The following GBGT1 variants were observed in gnomAD, a reference collection of about 807,000 sequenced individuals.
GBGT1 encodes the protein globoside alpha-1,3-N-acetylgalactosaminyltransferase 1 (FORS blood group), also known as globoside alpha-1,3-N-acetylgalactosaminyltransferase 1.
In GBGT1, 18 loss-of-function variants were observed where a neutral mutation model predicts 20.9. The ratio of observed to expected loss-of-function variants is 0.86; its 90% CI spans 0.60 to 1.28. The LOEUF is 1.28. Among genes scored for constraint, GBGT1 ranks in the 50% most tolerant of loss-of-function variants. The pLI is 0.00. For synonymous variants in GBGT1, 168 were observed against 180.8 expected (o/e 0.93, Z 0.57); for missense variants, 432 against 455.7 (o/e 0.95, Z 0.47).
Position 133,154,068 on chromosome 9 carries a change from C to G in GBGT1, c.553G>C (p.Glu185Gln). 6.2e-7 allele frequency: 1 copy of G among 1,613,564 alleles called. No homozygotes were observed. Among genetic ancestry groups the G allele is most frequent in the Non-Finnish European group, 8.5e-7 (1 of 1,179,996 alleles). The change falls in exon 7 of 7, where the codon GAG becomes CAG. Residue 185 changes from glutamate to glutamine, a missense_variant. Glu to Gln is a conservative substitution (Grantham distance 29). Coordinates refer to ENST00000372040, the MANE Select transcript of GBGT1 (RefSeq NM_021996.6). The surrounding 1 kb of genome is among the most constrained non-coding windows in gnomAD (Gnocchi z 4.2). Reference sequence around the variant, plus strand: ...TTAGCAATGTGCTGGCTGATGGTCTCCATCCGGCGCATGGATGTCTCCTCC... The same window carrying G: ...TTAGCAATGTGCTGGCTGATGGTCTGCATCCGGCGCATGGATGTCTCCTCC... The part of the protein sequence containing the change: ...HWEETSMRRM[E>Q]TISQHIAKRA...
intron 2 of GBGT1, among the ~76,000 whole-genome samples, chr9:133,162,138 G>T (rs1489401898): frequency 6.9e-6 from 1 of 145,068 alleles, no homozygotes; most frequent in East Asian, 2.1e-4. Context: ...CCTGGGTGGG[G>T]ATAGAGACAG....
intron 5 of GBGT1, 33 bp from the exon 6 acceptor site, chr9:133,155,345 C>T: frequency 1.2e-6 from 2 of 1,612,466 alleles, no homozygotes; most frequent in South Asian, 2.2e-5. Flanking sequence ...CACTGAGACC[C>T]TCCCCTGTGA....
Position 133,153,511 on chromosome 9 carries a change from C to G in GBGT1, c.*66G>C, listed in dbSNP as rs544092427. 8.3e-7 allele frequency: 1 copy of G among 1,211,384 alleles called. No individual in the cohort carries two copies. Among genetic ancestry groups the G allele is most frequent in the Admixed American group, 2.3e-5 (1 of 43,104 alleles). The allele number at this position is 1,211,384 out of a possible 1,614,324, so 75.0% of individuals were successfully genotyped here. A position where few individuals can be genotyped will look rare whatever the true frequency, so the allele number is the denominator to read the frequency against. On this transcript the variant is annotated 3_prime_UTR_variant, in exon 7 of 7. Coordinates refer to ENST00000372040, the MANE Select transcript of GBGT1 (RefSeq NM_021996.6). ...GGAGGCGGGACAGGGCTGGTCTGCACGCTAGTGAAGCACTGGTGGCTGCAG... is the reference window on the plus strand; with the variant it reads ...GGAGGCGGGACAGGGCTGGTCTGCAGGCTAGTGAAGCACTGGTGGCTGCAG...
Position 133,153,357 on chromosome 9 carries a change from C to T in GBGT1, c.*220G>A, listed in dbSNP as rs1382214335. ...GCCCTGCCTTTGTAACTGCGCCTCC[C>T]CTCCCCCTGTCTCACTGTTCCCATG... On this transcript the variant is annotated 3_prime_UTR_variant, in exon 7 of 7. Coordinates refer to ENST00000372040, the MANE Select transcript of GBGT1 (RefSeq NM_021996.6). 2.8e-5 allele frequency: 11 copies of T among 392,584 alleles called. No individual in the cohort carries two copies. 24.3% of individuals were successfully genotyped at this position (392,584 alleles called of 1,614,324 possible).
rs186077979 is a variant in GBGT1 at position 133,154,147 on chromosome 9, C to A, written c.474G>T (p.Pro158=). The A allele has an allele frequency of 2.6e-5, 41 of 1,598,110 alleles. No homozygotes were observed. The highest frequency in any genetic ancestry group is 6.7e-5 in the Admixed American group (4 of 59,546). ...TDNPAAVPGV[P]LGPHRLLSSI... Reference sequence around the variant, plus strand: ...AGCTGAGAAGCCGGTGGGGACCCAGCGGGACCCCGGGAACGGCTGCAGGGT... The same window carrying A: ...AGCTGAGAAGCCGGTGGGGACCCAGAGGGACCCCGGGAACGGCTGCAGGGT... Residue 158 remains proline (P), a synonymous_variant, in exon 7 of 7, where the codon CCG becomes CCT. Coordinates refer to ENST00000372040, the MANE Select transcript of GBGT1 (RefSeq NM_021996.6). This position sits in a 1 kb window ranked among gnomAD's most constrained non-coding sequence, Gnocchi z 4.2.
rs986608924 is a variant in GBGT1, at chr9:133,154,345, G to A, written c.360-84C>T. On this transcript the variant is annotated intron_variant, in intron 6 of 6. Transcript: ENST00000372040. The surrounding 1 kb of genome is among the most constrained non-coding windows in gnomAD (Gnocchi z 4.2). ...GTGTGCTGGGGTCAGCCAGGCTGGG[G>A]TCCACTTACCAGCTCCCCATCTCAA... is the stretch of plus-strand genomic sequence containing the variant. The A allele has an allele frequency of 1.5e-5, 12 of 777,596 alleles. No individual in the cohort carries two copies. The highest frequency in any genetic ancestry group is 2.4e-5 in the Non-Finnish European group (12 of 499,624). The allele number at this position is 777,596 out of a possible 1,614,324, so 48.2% of individuals were successfully genotyped here.
intron 1 of GBGT1, chr9:133,163,006 G>C (rs1833101788): frequency 6.5e-6 from 1 of 154,672 alleles, no homozygotes; most frequent in Non-Finnish European, 1.4e-5. Context: ...GCTTCCAGCT[G>C]TCCTTTGGGA....
intron 5 of GBGT1, among the ~76,000 whole-genome samples, 183 bp downstream of exon 5, chr9:133,155,718 G>A (rs1832850696): frequency 6.6e-6 from 1 of 152,136 alleles, no homozygotes; most frequent in South Asian, 2.1e-4. Flanking sequence ...CAGAGCAGTT[G>A]GGTACGCTGC....
rs764931171 is a variant in GBGT1, at chr9:133,153,895, C to A, written c.726G>T (p.Glu242Asp). The A allele has an allele frequency of 1.1e-5, 17 of 1,605,076 alleles. No individual in the cohort carries two copies. The African/African-American group carries it at 2.1e-4, about 20-fold the overall frequency. Residue 242 changes from glutamate (E) to aspartate (D), a missense_variant, in exon 7 of 7, where the codon GAG (glutamate) becomes GAT (aspartate). Physicochemically the swap from Glu to Asp is conservative, Grantham distance 45. Transcript: ENST00000372040. The stretch of plus-strand genomic sequence containing the variant: ...CAAAGGCAGTGGAAACACGCCTGCG[C>A]TCATAGGGGAACTGCTGGCGGGGAA... ...YAVPRQQFPY[E>D]RRRVSTAFVA...
At chr9:133,157,249 A>T (rs1383912981) in intron 3 of GBGT1, among the ~76,000 whole-genome samples, 1 of 147,990 alleles carries the variant, frequency 6.8e-6, no homozygotes, top group Non-Finnish European at 1.5e-5. Context: ...ACACTACTGC[A>T]CTCCAGCCTG....
chr9:133,159,807 G>A (rs989290686), intron 3 of GBGT1, among the ~76,000 whole-genome samples: 1 of 151,322 alleles, frequency 6.6e-6, no homozygotes, highest in Non-Finnish European at 1.5e-5. Context: ...CCTCCGCCAC[G>A]CACACACACA....
chr9:133,157,750 CCAGA>C (rs1832914296), intron 3 of GBGT1, among the ~76,000 whole-genome samples: 1 of 152,244 alleles, frequency 6.6e-6, no homozygotes, highest in Admixed American at 6.5e-5. Context: ...GGACCTGGAG[CCAGA>C]CAGTTGACCC....
Position 133,155,896 on chromosome 9 carries a change from C to G in GBGT1, c.224+5G>C, listed in dbSNP as rs1426689085. On this transcript the variant is annotated splice_donor_5th_base_variant and intron_variant, in intron 5 of 6. Transcript: ENST00000372040. Reference sequence around the variant, plus strand: ...GCCCCCATCAGGCCTCTCCATGACACCTACCTGTGCTCCAGCAGCTTGGGC... The same window carrying G: ...GCCCCCATCAGGCCTCTCCATGACAGCTACCTGTGCTCCAGCAGCTTGGGC... The G allele has an allele frequency of 1.2e-6, 2 of 1,614,014 alleles. No homozygotes were observed. Among genetic ancestry groups the G allele is most frequent in the Non-Finnish European group, 1.7e-6 (2 of 1,179,978 alleles).
Position 133,156,022 on chromosome 9 carries a change from C to T in GBGT1, c.181G>A (p.Val61Met), listed in dbSNP as rs374147391. ...AAATGCCAGTCTCCTTACCATACCACGGGCTGGAGTGGCTTCTCCCTCTTG... is the reference window on the plus strand; with the variant it reads ...AAATGCCAGTCTCCTTACCATACCATGGGCTGGAGTGGCTTCTCCCTCTTG... The part of the protein sequence containing the change: ...HYKREKPLQP[V>M]VWSQYPQPKL... The change falls in exon 4 of 7, where the codon GTG (valine) becomes ATG (methionine). Residue 61 changes from valine to methionine, a missense_variant. Coordinates refer to ENST00000372040, the MANE Select transcript of GBGT1 (RefSeq NM_021996.6). The T allele has an allele frequency of 2.7e-5, 43 of 1,613,940 alleles. No individual in the cohort carries two copies. Among genetic ancestry groups the T allele is most frequent in the Middle Eastern group, 1.6e-4 (1 of 6,084 alleles).
intron 3 of GBGT1, among the ~76,000 whole-genome samples, chr9:133,157,977 T>C (rs1832921432): frequency 1.3e-5 from 2 of 152,072 alleles, no homozygotes; most frequent in Admixed American, 1.3e-4. Context: ...AAACCCCATT[T>C]CTACTAAAAA....
chr9:133,159,539 C>T lies in GBGT1; in HGVS notation c.137+1928G>A, dbSNP rs558011038. Among the ~76,000 whole-genome samples the T allele has an allele frequency of 3.3e-5, 5 of 152,324 alleles. No individual in the cohort carries two copies. In the East Asian group the frequency reaches 5.8e-4, roughly 18 times the overall value. The stretch of plus-strand genomic sequence containing the variant: ...GCAGGCCGGTGTGGTGGCTCATGCC[C>T]GCAATCCCGGCAGGGGCGAGTTGGG... On this transcript the variant is annotated intron_variant, in intron 3 of 6. Transcript: ENST00000372040.
At chr9:133,156,736 C>T (rs1485941889) in intron 3 of GBGT1, among the ~76,000 whole-genome samples, 1 of 152,038 alleles carries the variant, frequency 6.6e-6, no homozygotes, top group African/African-American at 2.4e-5. Flanking sequence ...TTAACCTGAG[C>T]CCACTGTAAT....
chr9:133,158,585 C>T (rs149614121), intron 3 of GBGT1, among the ~76,000 whole-genome samples: 35 of 152,240 alleles, frequency 2.3e-4, no homozygotes, highest in Non-Finnish European at 3.5e-4. Flanking sequence ...TGCCTGGTCC[C>T]CTGTGAGTTT....
chr9:133,153,972 G>A lies in GBGT1; in HGVS notation c.649C>T (p.Pro217Ser). The A allele has an allele frequency of 1.2e-6, 2 of 1,613,634 alleles. No homozygotes were observed. Among genetic ancestry groups the A allele is most frequent in the Non-Finnish European group, 1.7e-6 (2 of 1,179,760 alleles). The part of the protein sequence containing the change: ...VDMVFRNPWG[P>S]ETLGDLVAAI... ...GCCACCAGGTCTCCCAAGGTCTCAGGGCCCCACGGGTTCCGAAACACCATG... is the reference window on the plus strand; with the variant it reads ...GCCACCAGGTCTCCCAAGGTCTCAGAGCCCCACGGGTTCCGAAACACCATG... Residue 217 changes from proline to serine, a missense_variant, in exon 7 of 7, where the codon CCT (proline) becomes TCT (serine). By Grantham distance (74) the Pro-to-Ser change is moderately conservative. Transcript: ENST00000372040.
Sources: gnomAD v4.1 joint callset for allele counts (sites outside exome capture counted in the v4.1 genomes callset) on GRCh38, gnomAD v4.1.1 for gene constraint, Gnocchi (gnomAD v3.1) non-coding constraint, MANE v1.5 for transcripts, NCBI Gene and HGNC (gene_info 2026-07-23, HGNC 2026-07-21) for gene names.